NFRKB: variants seen among roughly 807,000 people sequenced by gnomAD.
NFRKB encodes the protein nuclear factor related to kappaB binding protein.
Under a neutral mutation model 135.7 loss-of-function variants are expected in NFRKB, and 62 were observed. That is an observed-to-expected ratio of 0.46 (90% CI 0.37 to 0.56). The LOEUF (loss-of-function observed/expected upper bound fraction) is 0.56, where lower values mean the gene tolerates loss of function less well. NFRKB is among the 20% of genes least tolerant of loss of function. The pLI is 0.00. For missense variants in NFRKB, 1,545 were observed against 1,662.0 expected (o/e 0.93, Z 1.22); for synonymous variants, 678 against 635.6 (o/e 1.07, Z -1.00).
rs749660769 is a variant in NFRKB, at chr11:129,886,319, T to C, written c.463A>G (p.Ser155Gly). 1 of 1,613,930 alleles carries C rather than the reference T, an allele frequency of 6.2e-7. No homozygotes were observed. The highest frequency in any genetic ancestry group is 2.2e-5 in the East Asian group (1 of 44,874). ...RLLKQILASR[S>G]DLLEMARRSG... is the part of the protein sequence containing the mutation. ...ATCCAGTTCCCAGCACTACTTACAC[T>C]CCGGGAAGCAAGAATTTGCTTCAGC... Residue 155 changes from serine (S) to glycine (G), a missense_variant and splice_region_variant, in exon 5 of 27, where the codon AGT becomes GGT. Physicochemically the swap from Ser to Gly is moderately conservative, Grantham distance 56. This residue lies in a region of NFRKB where 678 missense variants were observed against 646.7 expected (regional missense o/e 1.05). Transcript: ENST00000682444.
intron 24 of NFRKB, among the ~76,000 whole-genome samples, chr11:129,867,756 G>GA (rs761738361): frequency 7.9e-5 from 12 of 152,254 alleles, no homozygotes; most frequent in Non-Finnish European, 1.6e-4. Context: ...TCAGTAAAGC[G>GA]AAACTGTATT....
At chr11:129,894,460 T>C (rs1328329455) in intron 1 of NFRKB, 22 bp from the exon 2 acceptor site, 1 of 152,226 alleles carries the variant, frequency 6.6e-6, no homozygotes, top group African/African-American at 2.4e-5. Context: ...AATCTCTAGA[T>C]GAGTGACAGT....
At chr11:129,865,854 C>CT (rs1948164800) in intron 25 of NFRKB, 23 bp downstream of exon 25, 2 of 1,612,122 alleles carry the variant, frequency 1.2e-6, no homozygotes, top group Non-Finnish European at 1.7e-6. Flanking sequence ...GAATTGGTTC[C>CT]TTTACCATGA....
At chr11:129,878,098 T>C (rs1468896066) in intron 15 of NFRKB, among the ~76,000 whole-genome samples, 1 of 152,084 alleles carries the variant, frequency 6.6e-6, no homozygotes, top group Admixed American at 6.6e-5. Context: ...CCTTAGAGGC[T>C]CTCCTGCCGT....
At position 129,878,551 on chromosome 11, in the gene NFRKB, A is replaced by G. The variant is rs1948881645; in HGVS notation, c.1385-8T>C. The G allele has an allele frequency of 6.2e-7, 1 of 1,608,174 alleles. No homozygotes were observed. The highest frequency in any genetic ancestry group is 1.1e-5 in the South Asian group (1 of 90,760). ...CATTATCTTGGGATTGGCCTATTAGAGGAATAAAGAGATAAAAAAATAAGA... is the reference window on the plus strand; with the variant it reads ...CATTATCTTGGGATTGGCCTATTAGGGGAATAAAGAGATAAAAAAATAAGA... On this transcript the variant is annotated splice_region_variant and splice_polypyrimidine_tract_variant and intron_variant, in intron 13 of 26. Coordinates refer to ENST00000682444, the MANE Select transcript of NFRKB (RefSeq NM_001143835.2).
In NFRKB at chr11:129,888,778, A is replaced by G; in HGVS notation, c.153T>C (p.Asp51=). The G allele has an allele frequency of 6.2e-7, 1 of 1,613,262 alleles. No homozygotes were observed. The highest frequency in any genetic ancestry group is 8.5e-7 in the Non-Finnish European group (1 of 1,179,402). ...DLLEDPEIFF[D]VVSLSTWQEV... ...CCTGCCATGTTGAGAGGCTGACAAC[A>G]TCAAAGAAGATCTCAGGCTAGGAGA... The change falls in exon 4 of 27, where the codon GAT becomes GAC. Residue 51 remains aspartate (D), a synonymous_variant. Coordinates refer to ENST00000682444, the MANE Select transcript of NFRKB (RefSeq NM_001143835.2).
Position 129,882,483 on chromosome 11 carries a change from G to C in NFRKB, c.1050C>G (p.Pro350=), listed in dbSNP as rs375807402. ...TGATAGCAGGAATTGCCAGCGGAGA[G>C]GGGGCCTGTGAGAGAGGTGCGACCC... The part of the protein sequence containing the change: ...TEGVAPLSQA[P]SPLAIPAIKE... The change falls in exon 10 of 27, where the codon CCC becomes CCG. Residue 350 remains proline (P), a synonymous_variant. Coordinates refer to ENST00000682444, the MANE Select transcript of NFRKB (RefSeq NM_001143835.2). The C allele has an allele frequency of 2.5e-6, 4 of 1,613,670 alleles. No individual in the cohort carries two copies. Among genetic ancestry groups the C allele is most frequent in the Admixed American group, 1.7e-5 (1 of 59,942 alleles).
chr11:129,865,494 G>C (rs1948146914), intron 25 of NFRKB, among the ~76,000 whole-genome samples: 1 of 152,206 alleles, frequency 6.6e-6, no homozygotes, highest in African/African-American at 2.4e-5. Flanking sequence ...TAAGGCCACA[G>C]GTGGCCCTCA....
At chr11:129,881,944 C>T in intron 11 of NFRKB, 91 bp from the exon 12 acceptor site, 3 of 1,516,760 alleles carry the variant, frequency 2.0e-6, no homozygotes, top group Admixed American at 2.2e-5. Context: ...GTATATGCAT[C>T]CGGTGTTTGT....
At position 129,892,750 on chromosome 11, in the gene NFRKB, T is replaced by C; in HGVS notation, c.100A>G (p.Thr34Ala). 1 of 1,614,114 alleles carries C rather than the reference T, an allele frequency of 6.2e-7. No individual in the cohort carries two copies. Among genetic ancestry groups the C allele is most frequent in the South Asian group, 1.1e-5 (1 of 91,070 alleles). ...AGGTCCTCGGGCAGACTAACTCTGG[T>C]GCCTCCCAGGAGGCAATCCTCCATG... ...RIMEDCLLGG[T>A]RVSLPEDLLE... is the part of the protein sequence containing the mutation. Residue 34 changes from threonine to alanine, a missense_variant, in exon 3 of 27, where the codon ACC becomes GCC. This residue lies in a region of NFRKB where 678 missense variants were observed against 646.7 expected (regional missense o/e 1.05). Coordinates refer to ENST00000682444, the MANE Select transcript of NFRKB (RefSeq NM_001143835.2).
intron 5 of NFRKB, 93 bp downstream of exon 5, chr11:129,886,224 T>G: frequency 6.9e-7 from 1 of 1,440,230 alleles, no homozygotes; most frequent in Non-Finnish European, 9.5e-7. Flanking sequence ...TTTTTCTTCG[T>G]GGCAATTTTT....
At chr11:129,884,924 G>A (rs778333861) in intron 6 of NFRKB, 78 bp from the exon 7 acceptor site, 2 of 1,607,074 alleles carry the variant, frequency 1.2e-6, no homozygotes, top group Non-Finnish European at 8.5e-7. Context: ...TGGCCATTTG[G>A]GTTCAACAAG....
At chr11:129,881,579 T>C in intron 12 of NFRKB, 71 bp from the exon 13 acceptor site, 1 of 1,603,350 alleles carries the variant, frequency 6.2e-7, no homozygotes, top group Admixed American at 1.7e-5. Context: ...TTTTGAGTGT[T>C]CCACAATGTA....
intron 23 of NFRKB, among the ~76,000 whole-genome samples, chr11:129,871,259 C>T (rs76471750): frequency 6.6e-6 from 1 of 152,002 alleles, no homozygotes; most frequent in East Asian, 1.9e-4. Context: ...GGGTTTTTTC[C>T]AAATAATCCA....
chr11:129,875,029 A>G, intron 18 of NFRKB, 113 bp from the exon 19 acceptor site: 1 of 1,370,338 alleles, frequency 7.3e-7, no homozygotes, highest in Non-Finnish European at 1.0e-6. Context: ...TGCAGATTCT[A>G]TCTCAGCCTA....
rs759052463 is a variant in NFRKB at position 129,883,183 on chromosome 11, C to A, written c.840G>T (p.Gly280=). 1.9e-6 allele frequency: 3 copies of A among 1,613,994 alleles called. No individual in the cohort carries two copies. The highest frequency in any genetic ancestry group is 8.5e-7 in the Non-Finnish European group (1 of 1,180,006). Residue 280 remains glycine (G), a synonymous_variant, in exon 9 of 27, where the codon GGG becomes GGT. Coordinates refer to ENST00000682444, the MANE Select transcript of NFRKB (RefSeq NM_001143835.2). ...HQPDHPDLLT[G]DLTLNDIMTR... is the part of the protein sequence containing the mutation. ...TCATGATGTCATTGAGAGTCAGGTC[C>A]CCTGTCAAAAGGTCCGGGTGATCCT...
At position 129,869,682 on chromosome 11, in the gene NFRKB, C is replaced by T. The variant is rs1461925621; in HGVS notation, c.3343G>A (p.Ala1115Thr). The change falls in exon 24 of 27, where the codon GCC (alanine) becomes ACC (threonine). Residue 1115 changes from alanine (A) to threonine (T), a missense_variant. By Grantham distance (58) the Ala-to-Thr change is moderately conservative. This residue lies in a region of NFRKB where 753 missense variants were observed against 804.3 expected (regional missense o/e 0.94). Transcript: ENST00000682444. ...ITVATHAKQG[A>T]SVASGSGTVH... ...GTTCCAGACCCACTGGCCACCGAGG[C>T]CCCTTGCTTGGCGTGGGTTGCAACG... The T allele has an allele frequency of 5.0e-6, 8 of 1,614,126 alleles. No individual in the cohort carries two copies. The highest frequency in any genetic ancestry group is 6.8e-6 in the Non-Finnish European group (8 of 1,180,054).
intron 3 of NFRKB, among the ~76,000 whole-genome samples, chr11:129,892,383 T>C (rs1275443762): frequency 6.6e-6 from 1 of 152,226 alleles, no homozygotes; most frequent in East Asian, 1.9e-4. Flanking sequence ...CATTATTTCA[T>C]TCCTTTTTAT....
intron 16 of NFRKB, 138 bp from the exon 17 acceptor site, chr11:129,877,033 G>T: frequency 1.1e-6 from 1 of 941,622 alleles, no homozygotes; most frequent in Non-Finnish European, 1.6e-6. Context: ...TAGTAGGAAT[G>T]TTCAGCCAAC....
Sources: gnomAD v4.1 joint callset for allele counts (sites outside exome capture counted in the v4.1 genomes callset) on GRCh38, gnomAD v4.1.1 for gene constraint, gnomAD v4.1.1 regional missense constraint, MANE v1.5 for transcripts, NCBI Gene and HGNC (gene_info 2026-07-23, HGNC 2026-07-21) for gene names.